ABCG8: variants seen among roughly 807,000 people sequenced by gnomAD.
ABCG8 encodes the protein ATP binding cassette subfamily G member 8.
In ABCG8, 81 loss-of-function variants were observed where a neutral mutation model predicts 71.3. The ratio of observed to expected loss-of-function variants is 1.14; its 90% CI spans 0.95 to 1.37. The LOEUF (loss-of-function observed/expected upper bound fraction) is 1.37. Among genes scored for constraint, ABCG8 ranks in the 40% most tolerant of loss-of-function variants. The probability of loss-of-function intolerance (pLI) is 0.00; values close to 1 mark genes in which losing one functional copy is unlikely to be tolerated. For missense variants in ABCG8, 1,119 were observed against 866.2 expected, an observed-to-expected ratio of 1.29 and a Z score of -3.66; for synonymous variants, 451 against 354.7, an observed-to-expected ratio of 1.27 and a Z score of -3.05.
intron 1 of ABCG8, among the ~76,000 whole-genome samples, chr2:43,841,610 G>A (rs1264160303): frequency 6.6e-6 from 1 of 152,184 alleles, no homozygotes; most frequent in African/African-American, 2.4e-5. Flanking sequence ...ATCCCTCAAT[G>A]GTGGTTGGAG....
In ABCG8 at chr2:43,878,215, G is replaced by C. The variant is rs1014186498; in HGVS notation, c.*302G>C. 2.4e-6 allele frequency: 1 copy of C among 416,050 alleles called. No homozygotes were observed. Among genetic ancestry groups the C allele is most frequent in the Non-Finnish European group, 4.5e-6 (1 of 219,908 alleles). 25.8% of individuals were successfully genotyped at this position (416,050 alleles called of 1,614,324 possible). On this transcript the variant is annotated 3_prime_UTR_variant, in exon 13 of 13. Transcript: ENST00000272286. ...TGATATGCATTTATATAGGCAACTC[G>C]ATATAGGATGGGAGCAAACTAGGAA...
At position 43,881,720 on chromosome 2, in the gene ABCG8, A is replaced by AAAC. The variant is rs1207156775; in HGVS notation, c.*3809_*3810insCAA. On this transcript the variant is annotated 3_prime_UTR_variant, in exon 13 of 13. Coordinates refer to ENST00000272286, the MANE Select transcript of ABCG8 (RefSeq NM_022437.3). ...GATACTCTGTCTCAAAAAAAAAAAA[A>AAAC]AAAAACCCAAGGCTCTCGAGGCATG... 1.3e-5 allele frequency: 2 copies of AAAC among 151,750 alleles called. No individual in the cohort carries two copies. Among genetic ancestry groups the AAAC allele is most frequent in the Non-Finnish European group, 2.9e-5 (2 of 67,932 alleles). The allele number at this position is 151,750 out of a possible 1,614,324, so 9.4% of individuals were successfully genotyped here. A position where few individuals can be genotyped will look rare whatever the true frequency, so the allele number is the denominator to read the frequency against.
In ABCG8 at chr2:43,865,700, T is replaced by C. The variant is rs1669507135; in HGVS notation, c.965-6276T>C. 2.2e-5 allele frequency among the ~76,000 whole-genome samples: 3 copies of C among 138,468 alleles called. No individual in the cohort carries two copies. The South Asian group carries it at 7.3e-4, about 34-fold the overall frequency. The allele number at this position is 138,468 out of a possible 152,430, so 90.8% of individuals were successfully genotyped here. On this transcript the variant is annotated intron_variant, in intron 6 of 12. Transcript: ENST00000272286. Reference sequence around the variant, plus strand: ...CACTGTCTGGATAGAACTCTCAATATCTATGTGGATAGAACTCTCACTGTC... The same window carrying C: ...CACTGTCTGGATAGAACTCTCAATACCTATGTGGATAGAACTCTCACTGTC...
Position 43,855,073 on chromosome 2 carries a change from G to A in ABCG8, c.964+2205G>A, listed in dbSNP as rs1669056402. Among the ~76,000 whole-genome samples, 3 of 152,322 alleles carry A rather than the reference G, an allele frequency of 2.0e-5. No individual in the cohort carries two copies. The South Asian group carries it at 6.2e-4, about 32-fold the overall frequency. ...CCTGCTTTCGGCAGGGTGCCTGGGA[G>A]GCCAAGTTATTAATTTTCAGTGAGA... On this transcript the variant is annotated intron_variant, in intron 6 of 12. Transcript: ENST00000272286.
intron 9 of ABCG8, 25 bp downstream of exon 9, chr2:43,874,011 C>T (rs374833793): frequency 5.1e-4 from 829 of 1,612,358 alleles, no homozygotes; most frequent in East Asian, 1.9e-3. Context: ...CTGGCATGGG[C>T]AGGCAGGACC....
chr2:43,854,337 G>T (rs918366604), intron 6 of ABCG8, among the ~76,000 whole-genome samples: 8 of 152,142 alleles, frequency 5.3e-5, no homozygotes, highest in African/African-American at 1.9e-4. Flanking sequence ...TTATGAAAAT[G>T]GGAGGAAGGG....
intron 6 of ABCG8, among the ~76,000 whole-genome samples, chr2:43,857,477 C>T (rs376133219): frequency 6.6e-6 from 1 of 151,436 alleles, no homozygotes; most frequent in Non-Finnish European, 1.5e-5. Flanking sequence ...CTCTCACTAT[C>T]TCTCTGGATA....
rs1405951661 is a variant in ABCG8 at position 43,872,206 on chromosome 2, C to A, written c.1128-17C>A. ...GGTGGCTGCCCCCATGACCTGGCCA[C>A]ATCTTCTGCCTCCCAGCAGCGTGAC... On this transcript the variant is annotated splice_polypyrimidine_tract_variant and intron_variant, in intron 7 of 12. Coordinates refer to ENST00000272286, the MANE Select transcript of ABCG8 (RefSeq NM_022437.3). 1.2e-6 allele frequency: 2 copies of A among 1,613,908 alleles called. No individual in the cohort carries two copies. Among genetic ancestry groups the A allele is most frequent in the East Asian group, 4.5e-5 (2 of 44,896 alleles).
At chr2:43,847,655 C>T (rs1393420705) in intron 3 of ABCG8, 1 of 152,030 alleles carries the variant, frequency 6.6e-6, no homozygotes, top group East Asian at 2.0e-4. Flanking sequence ...TGCAGTGAGT[C>T]GAGATCGCGC....
At chr2:43,851,909 A>T (rs1282411005) in intron 4 of ABCG8, 87 bp downstream of exon 4, 9 of 1,449,544 alleles carry the variant, frequency 6.2e-6, no homozygotes. Context: ...TTGCCTCAGG[A>T]CCCAGCCGCA....
rs1455857451 is a variant in ABCG8 at position 43,856,290 on chromosome 2, CTGGATAGAACTCTCACTCTCTTTG to C, written c.964+3441_964+3464del. On this transcript the variant is annotated intron_variant, in intron 6 of 12. Coordinates refer to ENST00000272286, the MANE Select transcript of ABCG8 (RefSeq NM_022437.3). ...AATATCTGGATGGAATTCTCACTCT[CTGGATAGAACTCTCACTCTCTTTG>C]TGGATAGAACTCTCACTCCCTGTCT... Among the ~76,000 whole-genome samples the C allele has an allele frequency of 2.8e-4, 43 of 152,196 alleles. 1 individual carries two copies. Among genetic ancestry groups the C allele is most frequent in the Non-Finnish European group, 5.0e-4 (34 of 67,962 alleles).
intron 2 of ABCG8, 33 bp downstream of exon 2, chr2:43,844,641 G>A: frequency 1.9e-6 from 3 of 1,547,314 alleles, no homozygotes; most frequent in Non-Finnish European, 2.7e-6. Context: ...GGGGAGAGGA[G>A]CAGGCAGGGA....
intron 6 of ABCG8, among the ~76,000 whole-genome samples, chr2:43,855,303 T>C (rs1669065426): frequency 3.9e-5 from 6 of 152,172 alleles, no homozygotes; most frequent in Admixed American, 3.9e-4. Context: ...TCTATCGAGA[T>C]AGAATACTCA....
intron 6 of ABCG8, among the ~76,000 whole-genome samples, chr2:43,870,703 C>A (rs1669734099): frequency 6.7e-6 from 1 of 150,184 alleles, no homozygotes; most frequent in Non-Finnish European, 1.5e-5. Context: ...CTCTCTGGAT[C>A]GAACTCTCAC....
At chr2:43,877,432 G>A in intron 11 of ABCG8, 129 bp from the exon 12 acceptor site, 2 of 1,452,324 alleles carry the variant, frequency 1.4e-6, no homozygotes, top group African/African-American at 2.8e-5. Flanking sequence ...AATATGGGGA[G>A]ATCATGCAAA....
intron 3 of ABCG8, among the ~76,000 whole-genome samples, chr2:43,850,897 G>A (rs1356981514): frequency 6.7e-6 from 1 of 150,100 alleles, no homozygotes; most frequent in Non-Finnish European, 1.5e-5. Context: ...GCAGCAGAGT[G>A]GGACTCTGTC....
At chr2:43,850,684 G>A (rs193040518) in intron 3 of ABCG8, among the ~76,000 whole-genome samples, 18 of 152,240 alleles carry the variant, frequency 1.2e-4, no homozygotes, top group Non-Finnish European at 1.9e-4. Flanking sequence ...AGGCCCAGGC[G>A]GGTAGATCAC....
At chr2:43,853,763 C>T (rs542602963) in intron 6 of ABCG8, among the ~76,000 whole-genome samples, 1 of 152,220 alleles carries the variant, frequency 6.6e-6, no homozygotes, top group African/African-American at 2.4e-5. Flanking sequence ...GAGCTAAACA[C>T]CTGTTCCAGC....
chr2:43,864,788 C>A (rs1669462058), intron 6 of ABCG8, among the ~76,000 whole-genome samples: 1 of 151,120 alleles, frequency 6.6e-6, no homozygotes, highest in South Asian at 2.1e-4. Context: ...GGATAGAATT[C>A]TCACTCTCTG....
Sources: allele counts gnomAD v4.1 joint callset (sites outside exome capture counted in the v4.1 genomes callset), GRCh38; gene constraint gnomAD v4.1.1; transcripts MANE v1.5; gene names NCBI Gene and HGNC (gene_info 2026-07-23, HGNC 2026-07-21).